NXPE2: variants seen among roughly 807,000 people sequenced by gnomAD.
The protein encoded by NXPE2 is neurexophilin and PC-esterase domain family member 2.
A neutral mutation model predicts 34.4 loss-of-function variants in NXPE2; 34 were observed. The ratio of observed to expected loss-of-function variants is 0.99; its 90% CI spans 0.75 to 1.31. The LOEUF is 1.31. NXPE2 is among the 40% of genes most tolerant of loss of function. The probability of loss-of-function intolerance (pLI) is 0.00; values close to 1 mark genes in which losing one functional copy is unlikely to be tolerated. For missense variants in NXPE2, 649 were observed against 672.5 expected (o/e 0.97, Z 0.39); for synonymous variants, 235 against 231.3 (o/e 1.02, Z -0.15).
chr11:114,503,943 C>T, the NXPE2 span, among the ~76,000 whole-genome samples: 1 of 152,210 alleles, frequency 6.6e-6, no homozygotes, highest in Non-Finnish European at 1.5e-5. Flanking sequence ...GCCTTGCCTG[C>T]TTACAGGGCA....
chr11:114,794,053 T>C, the NXPE2 span, among the ~76,000 whole-genome samples: 1 of 152,148 alleles, frequency 6.6e-6, no homozygotes, highest in South Asian at 2.1e-4. Context: ...GTCTCCTGCC[T>C]CAGCTCCTTC....
the NXPE2 span, among the ~76,000 whole-genome samples, chr11:114,574,556 A>G: frequency 6.6e-6 from 1 of 152,112 alleles, no homozygotes; most frequent in Non-Finnish European, 1.5e-5. Flanking sequence ...AGATTATTCA[A>G]GGCTACTGTG....
At chr11:114,744,664 G>A in the NXPE2 span, among the ~76,000 whole-genome samples, 2 of 151,980 alleles carry the variant, frequency 1.3e-5, no homozygotes, top group African/African-American at 4.8e-5. Context: ...ACAAAAATTA[G>A]CCAGGCATAG....
the NXPE2 span, among the ~76,000 whole-genome samples, chr11:114,754,262 A>C: frequency 6.6e-6 from 1 of 152,116 alleles, no homozygotes; most frequent in East Asian, 1.9e-4. Context: ...CACTCTGGGC[A>C]TCCCTGACCT....
the NXPE2 span, among the ~76,000 whole-genome samples, chr11:114,781,039 G>A: frequency 1.3e-5 from 2 of 152,164 alleles, no homozygotes; most frequent in African/African-American, 2.4e-5. Context: ...GGAGACTTAC[G>A]AGGTATGGAG....
the NXPE2 span, among the ~76,000 whole-genome samples, chr11:114,557,702 T>C: frequency 1.4e-5 from 2 of 147,924 alleles, no homozygotes; most frequent in Admixed American, 1.4e-4. Context: ...ATTTGTACAT[T>C]TAGTTTCCTT....
At chr11:114,744,002 C>T in the NXPE2 span, among the ~76,000 whole-genome samples, 1 of 150,398 alleles carries the variant, frequency 6.6e-6, no homozygotes, top group East Asian at 1.9e-4. Context: ...TTTCTCTATT[C>T]TTTCTTTGTG....
chr11:114,746,624 G>A, the NXPE2 span, among the ~76,000 whole-genome samples: 1 of 152,108 alleles, frequency 6.6e-6, no homozygotes, highest in Non-Finnish European at 1.5e-5. Flanking sequence ...GGCTGAGGTG[G>A]GCGGATCATG....
At chr11:114,707,376 A>C, downstream of NXPE2, 1 of 399,978 alleles carries the variant, frequency 2.5e-6, no homozygotes, top group South Asian at 1.8e-5. Flanking sequence ...GATTACAGGC[A>C]TGAACCACCA....
the NXPE2 span, among the ~76,000 whole-genome samples, chr11:114,545,964 C>T: frequency 6.6e-6 from 1 of 152,086 alleles, no homozygotes; most frequent in South Asian, 2.1e-4. Context: ...GCTGGGATTA[C>T]AGGCATGAGC....
chr11:114,764,104 A>T, the NXPE2 span, among the ~76,000 whole-genome samples: 1 of 152,174 alleles, frequency 6.6e-6, no homozygotes, highest in East Asian at 1.9e-4. Flanking sequence ...AATATAGCTC[A>T]TTAGAATCAG....
the NXPE2 span, among the ~76,000 whole-genome samples, chr11:114,727,774 A>AACACACACAAAC: frequency 6.4e-3 from 822 of 127,624 alleles, 6 homozygotes; most frequent in African/African-American, 0.011. Context: ...ATGTGTACAC[A>AACACACACAAAC]ACACACACAC....
the NXPE2 span, among the ~76,000 whole-genome samples, chr11:114,523,631 T>G: frequency 6.6e-6 from 1 of 152,170 alleles, no homozygotes. Context: ...ACATGCAACA[T>G]CCAATACAAA....
the NXPE2 span, among the ~76,000 whole-genome samples, chr11:114,528,608 G>A: frequency 3.9e-5 from 6 of 152,266 alleles, no homozygotes; most frequent in East Asian, 1.9e-4. Context: ...TGTTGAATCC[G>A]ATGTGTTAAT....
the NXPE2 span, among the ~76,000 whole-genome samples, chr11:114,671,224 C>A: frequency 6.6e-6 from 1 of 151,084 alleles, no homozygotes; most frequent in Admixed American, 6.6e-5. Context: ...GAAGGTAGAT[C>A]AGTAGAGATT....
At chr11:114,666,136 C>T in the NXPE2 span, among the ~76,000 whole-genome samples, 927 of 152,282 alleles carry the variant, frequency 6.1e-3, 2 homozygotes, top group Non-Finnish European at 8.9e-3. Context: ...CCATGCCATC[C>T]TTTCCACTGA....
upstream of NXPE2, among the ~76,000 whole-genome samples, chr11:114,677,773 T>C (rs1950874777): frequency 2.0e-5 from 3 of 152,182 alleles, no homozygotes; most frequent in South Asian, 2.1e-4. Context: ...ATAGCTATCA[T>C]CTATCTATAT....
the NXPE2 span, among the ~76,000 whole-genome samples, chr11:114,612,349 G>A: frequency 4.0e-5 from 6 of 151,868 alleles, no homozygotes; most frequent in Non-Finnish European, 7.4e-5. Context: ...GTACTGCCTC[G>A]TGGGTAACCA....
chr11:114,673,981 A>G (rs1258042076), upstream of NXPE2, among the ~76,000 whole-genome samples: 2 of 151,858 alleles, frequency 1.3e-5, no homozygotes, highest in East Asian at 3.9e-4. Context: ...TCACAAGTAC[A>G]GGATAAAGAC....
Sources: gnomAD v4.1 joint callset for allele counts (sites outside exome capture counted in the v4.1 genomes callset) on GRCh38, gnomAD v4.1.1 for gene constraint, MANE v1.5 for transcripts, NCBI Gene and HGNC (gene_info 2026-07-23, HGNC 2026-07-21) for gene names.